The following CD53 variants were observed in gnomAD, a reference collection of about 807,000 sequenced individuals.
CD53 encodes the protein CD53 molecule, also known as leukocyte surface antigen CD53.
CD53 carries 20 observed loss-of-function variants against 27.3 expected under a neutral mutation model. That is an observed-to-expected ratio of 0.73 (90% CI 0.52 to 1.07). The LOEUF (loss-of-function observed/expected upper bound fraction) is 1.07. CD53 is among the 50% of genes least tolerant of loss of function. The pLI is 0.00. For synonymous variants in CD53, 106 were observed against 105.3 expected (o/e 1.01, Z -0.04); for missense variants, 216 against 264.0 (o/e 0.82, Z 1.26).
At chr1:110,881,089 T>C (rs1185884746) in intron 1 of CD53, among the ~76,000 whole-genome samples, 1 of 152,028 alleles carries the variant, frequency 6.6e-6, no homozygotes, top group Non-Finnish European at 1.5e-5. Context: ...GAGTGTGGAG[T>C]GATGGACAGG....
chr1:110,871,570 G>A (rs146703612), upstream of CD53, among the ~76,000 whole-genome samples: 382 of 152,162 alleles, frequency 2.5e-3, 1 homozygote, highest in Non-Finnish European at 4.0e-3. Context: ...AGAGATCATG[G>A]CATCTATATA....
At chr1:110,892,801 T>C (rs1463169164) in intron 3 of CD53, 1 of 356,206 alleles carries the variant, frequency 2.8e-6, no homozygotes, top group Non-Finnish European at 5.1e-6. Context: ...AATTCCCCTT[T>C]ATAGCATTTT....
In CD53 at chr1:110,893,117, T is replaced by A. The variant is rs140583688; in HGVS notation, c.252+584T>A. Among the ~76,000 whole-genome samples, 5 of 152,296 alleles carry A rather than the reference T, an allele frequency of 3.3e-5. No individual in the cohort carries two copies. In the East Asian group the frequency reaches 7.7e-4, roughly 24 times the overall value. ...ACTATCCTGAGGAGTACCTTAAGGCTTAGGTTTTGCCTGTAAGCACAGTGC... is the reference window on the plus strand; with the variant it reads ...ACTATCCTGAGGAGTACCTTAAGGCATAGGTTTTGCCTGTAAGCACAGTGC... On this transcript the variant is annotated intron_variant, in intron 3 of 7. Transcript: ENST00000271324.
intron 1 of CD53, among the ~76,000 whole-genome samples, chr1:110,878,709 C>T (rs2101039994): frequency 6.6e-6 from 1 of 152,280 alleles, no homozygotes; most frequent in Non-Finnish European, 1.5e-5. Flanking sequence ...CTACCAAACA[C>T]TTCCATTCAC....
Position 110,892,711 on chromosome 1 carries a change from C to T in CD53, c.252+178C>T, listed in dbSNP as rs534087279. On this transcript the variant is annotated intron_variant, in intron 3 of 7. Transcript: ENST00000271324. ...AGTATATTATGTATGACTAGGGTCCCACGGACAGGTGAAAGAGGGCATTGC... is the reference window on the plus strand; with the variant it reads ...AGTATATTATGTATGACTAGGGTCCTACGGACAGGTGAAAGAGGGCATTGC... 6.7e-6 allele frequency: 4 copies of T among 600,430 alleles called. No homozygotes were observed. In the Admixed American group the frequency reaches 9.5e-5, roughly 14 times the overall value. 37.2% of individuals were successfully genotyped at this position (600,430 alleles called of 1,614,324 possible). A position where few individuals can be genotyped will look rare whatever the true frequency, so the allele number is the denominator to read the frequency against.
intron 1 of CD53, among the ~76,000 whole-genome samples, chr1:110,881,349 T>TACA (rs942691375): frequency 3.5e-4 from 54 of 152,180 alleles, no homozygotes; most frequent in African/African-American, 1.3e-3. Flanking sequence ...ACTGGAATCA[T>TACA]ACAGAATGTA....
At chr1:110,882,262 T>C (rs960037582) in intron 1 of CD53, among the ~76,000 whole-genome samples, 2 of 152,184 alleles carry the variant, frequency 1.3e-5, no homozygotes, top group Non-Finnish European at 2.9e-5. Context: ...CTAGTTACGA[T>C]TTCGTATGGA....
intron 1 of CD53, among the ~76,000 whole-genome samples, chr1:110,879,862 C>G (rs564452253): frequency 6.6e-6 from 1 of 152,262 alleles, no homozygotes; most frequent in Admixed American, 6.5e-5. Flanking sequence ...GCCACCATGG[C>G]GAGCCTGATC....
In CD53 at chr1:110,899,033, T is replaced by C. The variant is rs1657190198; in HGVS notation, c.589-91T>C. ...GGAAGGGTGGTTTCAGTGTAATGGA[T>C]ACATTCTTTTTCTCAGAGGCCAATC... On this transcript the variant is annotated intron_variant, in intron 7 of 7. Coordinates refer to ENST00000271324, the MANE Select transcript of CD53 (RefSeq NM_000560.4). 6.6e-6 allele frequency: 6 copies of C among 903,788 alleles called. No individual in the cohort carries two copies. The East Asian group carries it at 1.5e-4, about 22-fold the overall frequency. 56.0% of individuals were successfully genotyped at this position (903,788 alleles called of 1,614,324 possible).
chr1:110,892,581 C>T (rs1211565000), intron 3 of CD53, 48 bp downstream of exon 3: 2 of 1,453,116 alleles, frequency 1.4e-6, no homozygotes, highest in South Asian at 1.2e-5. Flanking sequence ...GAGATGGTGC[C>T]TAAATCCCAG....
intron 1 of CD53, among the ~76,000 whole-genome samples, chr1:110,880,684 C>T (rs1490980939): frequency 6.6e-6 from 1 of 152,168 alleles, no homozygotes; most frequent in African/African-American, 2.4e-5. Flanking sequence ...GTGTCATGTT[C>T]ATTCCACTAC....
chr1:110,872,239 A>G (rs1027799743), upstream of CD53, among the ~76,000 whole-genome samples: 7 of 152,140 alleles, frequency 4.6e-5, no homozygotes, highest in African/African-American at 1.7e-4. Flanking sequence ...CCAGAAACAC[A>G]TTTTTCAAAA....
At chr1:110,887,652 TATCTGTTCCCTATTACTGAGGCTAC>T (rs1327336419) in intron 1 of CD53, among the ~76,000 whole-genome samples, 6 of 152,242 alleles carry the variant, frequency 3.9e-5, no homozygotes, top group Non-Finnish European at 8.8e-5. Flanking sequence ...AGTCTAGAGC[TATCTGTTCCCTATTACTGAGGCTAC>T]ATCCTTCTGT....
chr1:110,874,798 A>G (rs1656063022), intron 1 of CD53, among the ~76,000 whole-genome samples: 1 of 152,216 alleles, frequency 6.6e-6, no homozygotes, highest in Non-Finnish European at 1.5e-5. Context: ...CACAAACTGG[A>G]AAGGACAAAG....
intron 5 of CD53, among the ~76,000 whole-genome samples, chr1:110,895,426 T>A (rs897945975): frequency 1.1e-4 from 16 of 152,184 alleles, no homozygotes; most frequent in Non-Finnish European, 1.8e-4. Flanking sequence ...ATCAGGCTTG[T>A]TACCTAGCCC....
chr1:110,897,175 G>A lies in CD53; in HGVS notation c.504+442G>A, dbSNP rs565457472. Among the ~76,000 whole-genome samples the A allele has an allele frequency of 6.3e-4, 96 of 152,338 alleles. 1 individual carries two copies. Among genetic ancestry groups the A allele is most frequent in the Non-Finnish European group, 1.2e-3 (79 of 68,028 alleles). ...TGAATCATAGGTGAAGGAGTAAGGAGTTGAGGGAGACAGAGTTAGTGGAAC... is the reference window on the plus strand; with the variant it reads ...TGAATCATAGGTGAAGGAGTAAGGAATTGAGGGAGACAGAGTTAGTGGAAC... On this transcript the variant is annotated intron_variant, in intron 6 of 7. Transcript: ENST00000271324.
At chr1:110,871,814 T>TACACACACACACAC (rs3068856), upstream of CD53, among the ~76,000 whole-genome samples, 313 of 145,764 alleles carry the variant, frequency 2.1e-3, 1 homozygote, top group African/African-American at 6.2e-3. Flanking sequence ...CAAGAGAAAC[T>TACACACACACACAC]ACACACACAC....
At chr1:110,897,774 A>G in intron 6 of CD53, 35 bp from the exon 7 acceptor site, 1 of 1,251,212 alleles carries the variant, frequency 8.0e-7, no homozygotes, top group South Asian at 1.2e-5. Flanking sequence ...GTGGAATTAT[A>G]GAGTAGTATC....
chr1:110,886,344 A>C (rs765215905), intron 1 of CD53, among the ~76,000 whole-genome samples: 1 of 151,774 alleles, frequency 6.6e-6, no homozygotes, highest in Non-Finnish European at 1.5e-5. Context: ...AGCTTTCTTC[A>C]TGTTTCTTGT....
Sources: gnomAD v4.1 joint callset for allele counts (sites outside exome capture counted in the v4.1 genomes callset) on GRCh38, gnomAD v4.1.1 for gene constraint, MANE v1.5 for transcripts, NCBI Gene and HGNC (gene_info 2026-07-23, HGNC 2026-07-21) for gene names.